Variants in TCF4 observed in about 807,000 individuals in gnomAD.
The protein encoded by TCF4 is SL3-3 enhancer factor 2.
Under a neutral mutation model 82.1 loss-of-function variants are expected in TCF4, and 3 were observed. That is an observed-to-expected ratio of 0.04 (90% CI 0.02 to 0.09). The LOEUF (loss-of-function observed/expected upper bound fraction) is 0.09, where lower values mean the gene tolerates loss of function less well. Ranked by LOEUF, TCF4 falls within the 10% of genes least tolerant of loss-of-function variation. The pLI is 1.00. For missense variants in TCF4, 518 were observed against 852.7 expected (o/e 0.61, Z 4.89); for synonymous variants, 276 against 309.6 (o/e 0.89, Z 1.14).
chr18:55,516,468 G>A (rs533959037), intron 3 of TCF4, among the ~76,000 whole-genome samples: 19 of 152,034 alleles, frequency 1.2e-4, no homozygotes, highest in African/African-American at 3.4e-4. Flanking sequence ...CTGAGAGAAC[G>A]AGAGAAAGGC....
chr18:55,320,567 C>T (rs2075249809), intron 8 of TCF4, among the ~76,000 whole-genome samples: 1 of 152,220 alleles, frequency 6.6e-6, no homozygotes, highest in African/African-American at 2.4e-5. Context: ...TATACACTCA[C>T]AGGCATATAG....
rs556420276 is a variant in TCF4 at position 55,338,505 on chromosome 18, C to A, written c.549+11854G>T. On this transcript the variant is annotated intron_variant, in intron 8 of 19. Transcript: ENST00000354452. Reference sequence around the variant, plus strand: ...TAACTCAGATTCTATTCACTCCCTGCCAGCATACAAAACACAAACTGAATT... The same window carrying A: ...TAACTCAGATTCTATTCACTCCCTGACAGCATACAAAACACAAACTGAATT... Among the ~76,000 whole-genome samples, 10 of 152,258 alleles carry A rather than the reference C, an allele frequency of 6.6e-5. No individual in the cohort carries two copies. The South Asian group carries it at 2.1e-3, about 32-fold the overall frequency.
At chr18:55,372,574 G>GCAAA (rs1483636920) in intron 6 of TCF4, among the ~76,000 whole-genome samples, 2 of 152,002 alleles carry the variant, frequency 1.3e-5, no homozygotes, top group African/African-American at 4.8e-5. Context: ...TTTAGAAAAT[G>GCAAA]CAAAGACTCT....
chr18:55,229,178 C>T (rs1372487119), intron 17 of TCF4, 102 bp from the exon 18 acceptor site: 1 of 1,376,906 alleles, frequency 7.3e-7, no homozygotes, highest in Non-Finnish European at 1.0e-6. Context: ...ACTTTTCCAT[C>T]TTATGCCATG....
chr18:55,567,694 C>A (rs912985522), intron 3 of TCF4, among the ~76,000 whole-genome samples: 6 of 151,348 alleles, frequency 4.0e-5, no homozygotes. Context: ...GCCTGGGAGA[C>A]AGAGCGAGAC....
At chr18:55,422,514 G>A (rs892987679) in intron 5 of TCF4, 1 of 947,650 alleles carries the variant, frequency 1.1e-6, no homozygotes, top group Non-Finnish European at 1.3e-6. Flanking sequence ...AGAGAATCTA[G>A]TTCTTAGGCT....
intron 6 of TCF4, among the ~76,000 whole-genome samples, chr18:55,378,683 G>A (rs952745721): frequency 4.6e-5 from 7 of 152,142 alleles, no homozygotes; most frequent in African/African-American, 7.2e-5. Context: ...CAGAGCAACC[G>A]AATTATGGAT....
At chr18:55,293,171 C>G (rs1181277845) in intron 8 of TCF4, among the ~76,000 whole-genome samples, 1 of 151,844 alleles carries the variant, frequency 6.6e-6, no homozygotes, top group East Asian at 1.9e-4. Flanking sequence ...AGTAGTGGGC[C>G]CTTAAGTTAC....
intron 8 of TCF4, among the ~76,000 whole-genome samples, chr18:55,286,587 A>C (rs965777541): frequency 6.6e-6 from 1 of 152,220 alleles, no homozygotes; most frequent in Non-Finnish European, 1.5e-5. Flanking sequence ...AGATTAGTCA[A>C]GAAATGGAAG....
At chr18:55,426,386 AG>A (rs1205202759) in intron 5 of TCF4, among the ~76,000 whole-genome samples, 2 of 152,172 alleles carry the variant, frequency 1.3e-5, no homozygotes, top group East Asian at 3.8e-4. Flanking sequence ...TGGGGAAGAC[AG>A]GTGAAGAGAG....
chr18:55,464,209 T>A, intron 3 of TCF4, 72 bp from the exon 4 acceptor site: 2 of 1,322,024 alleles, frequency 1.5e-6, no homozygotes, highest in Non-Finnish European at 2.2e-6. Flanking sequence ...ACTTTCAAAT[T>A]AATGTTTCAA....
chr18:55,495,669 T>C (rs991095130), intron 3 of TCF4: 4 of 152,076 alleles, frequency 2.6e-5, no homozygotes, highest in Non-Finnish European at 5.9e-5. Context: ...AGTTTCAATA[T>C]CAACACAGAA....
intron 14 of TCF4, among the ~76,000 whole-genome samples, chr18:55,255,474 T>C (rs2056571973): frequency 6.6e-6 from 1 of 152,206 alleles, no homozygotes; most frequent in African/African-American, 2.4e-5. Flanking sequence ...CCAACCTTTG[T>C]TCATCCTTGC....
chr18:55,460,977 T>C (rs753995227), intron 5 of TCF4, 42 bp downstream of exon 5: 1 of 1,559,982 alleles, frequency 6.4e-7, no homozygotes. Context: ...TAGTAAAACT[T>C]GAGCATTCAA....
intron 8 of TCF4, among the ~76,000 whole-genome samples, chr18:55,327,530 C>A (rs1278745849): frequency 3.3e-5 from 5 of 152,010 alleles, no homozygotes; most frequent in Non-Finnish European, 5.9e-5. Context: ...CCTATGTTAT[C>A]TTGAATTGGT....
intron 6 of TCF4, among the ~76,000 whole-genome samples, chr18:55,392,217 G>A (rs529480694): frequency 6.0e-5 from 9 of 150,800 alleles, no homozygotes; most frequent in South Asian, 2.1e-4. Context: ...CACCCACCTC[G>A]GCCTCCCAAA....
chr18:55,261,564 C>A (rs747270696), intron 11 of TCF4, 31 bp from the exon 12 acceptor site: 5 of 1,613,270 alleles, frequency 3.1e-6, no homozygotes, highest in Non-Finnish European at 3.4e-6. Context: ...ATATGAAAAC[C>A]AGGCAGTGAG....
chr18:55,399,880 TCA>T (rs398041380), intron 6 of TCF4, among the ~76,000 whole-genome samples: 6,349 of 62,602 alleles, frequency 0.1, 221 homozygotes, highest in East Asian at 0.18. Context: ...TCTCTCTCTC[TCA>T]CACACACACA....
At chr18:55,407,007 T>C (rs1004180275) in intron 5 of TCF4, among the ~76,000 whole-genome samples, 4 of 152,160 alleles carry the variant, frequency 2.6e-5, no homozygotes, top group African/African-American at 9.7e-5. Flanking sequence ...CATGGAGTAC[T>C]GTTGTCCATA....
Sources: allele counts gnomAD v4.1 joint callset (sites outside exome capture counted in the v4.1 genomes callset), GRCh38; gene constraint gnomAD v4.1.1; transcripts MANE v1.5; gene names NCBI Gene and HGNC (gene_info 2026-07-23, HGNC 2026-07-21).